APBB2: variants seen among roughly 807,000 people sequenced by gnomAD.
The protein encoded by APBB2 is Fe65-like 1.
APBB2 carries 38 observed loss-of-function variants against 82.5 expected under a neutral mutation model. The ratio of observed to expected loss-of-function variants is 0.46; its 90% CI spans 0.36 to 0.60. APBB2 has a LOEUF of 0.60. Among genes scored for constraint, APBB2 ranks in the 20% least tolerant of loss-of-function variants. APBB2 has a pLI of 0.00. For synonymous variants in APBB2, 341 were observed against 368.2 expected (o/e 0.93, Z 0.85); for missense variants, 772 against 972.3 (o/e 0.79, Z 2.74).
chr4:41,128,650 T>G (rs1755100815), intron 2 of APBB2, among the ~76,000 whole-genome samples: 2 of 152,186 alleles, frequency 1.3e-5, no homozygotes, highest in Admixed American at 6.5e-5. Flanking sequence ...ATACTCTGTA[T>G]CAGGCAGTGT....
intron 4 of APBB2, among the ~76,000 whole-genome samples, chr4:41,049,116 G>C (rs1283079374): frequency 2.7e-5 from 4 of 150,850 alleles, no homozygotes; most frequent in African/African-American, 9.8e-5. Flanking sequence ...GTCTCTGCCT[G>C]GCCGCCCATC....
At chr4:40,952,050 G>A (rs1452739000) in intron 6 of APBB2, among the ~76,000 whole-genome samples, 1 of 152,030 alleles carries the variant, frequency 6.6e-6, no homozygotes, top group Non-Finnish European at 1.5e-5. Context: ...GCCGGGTGTG[G>A]TGACAGGCAC....
chr4:41,085,099 A>G (rs1739144850), intron 3 of APBB2, among the ~76,000 whole-genome samples: 1 of 152,078 alleles, frequency 6.6e-6, no homozygotes, highest in Admixed American at 6.6e-5. Context: ...AAATACAAAA[A>G]AATTAGCTGG....
chr4:40,864,778 G>T (rs572162029), intron 12 of APBB2, among the ~76,000 whole-genome samples: 8 of 151,900 alleles, frequency 5.3e-5, no homozygotes, highest in South Asian at 4.2e-4. Flanking sequence ...ACTGCTGCAG[G>T]GTGTAGCGAG....
chr4:40,829,933 G>C (rs1282238300), intron 13 of APBB2, among the ~76,000 whole-genome samples: 3 of 152,204 alleles, frequency 2.0e-5, no homozygotes, highest in Non-Finnish European at 4.4e-5. Context: ...AGAAACCCTG[G>C]ATGGTTTCTT....
chr4:40,968,871 G>T (rs902710697), intron 6 of APBB2, among the ~76,000 whole-genome samples: 3 of 152,138 alleles, frequency 2.0e-5, no homozygotes, highest in African/African-American at 7.2e-5. Flanking sequence ...ATTCCCACAT[G>T]TTCTGGGAGG....
At chr4:40,909,586 T>C (rs10010651) in intron 10 of APBB2, among the ~76,000 whole-genome samples, 2,450 of 152,244 alleles carry the variant, frequency 0.016, 53 homozygotes, top group African/African-American at 0.05. Flanking sequence ...TTTTTATCAA[T>C]GGAAAATTTG....
At chr4:40,890,584 CAGA>C (rs1191736798) in intron 11 of APBB2, 93 bp from the exon 12 acceptor site, 37 of 1,522,948 alleles carry the variant, frequency 2.4e-5, no homozygotes, top group Non-Finnish European at 3.2e-5. Context: ...TGTCAACCAT[CAGA>C]AGAAGCCACC....
At chr4:41,205,964 G>A (rs906463934) in intron 1 of APBB2, among the ~76,000 whole-genome samples, 1 of 152,018 alleles carries the variant, frequency 6.6e-6, no homozygotes, top group Non-Finnish European at 1.5e-5. Flanking sequence ...CTCCTTCTAG[G>A]GCTATCCTTG....
chr4:40,988,383 C>T (rs562445987), intron 6 of APBB2, among the ~76,000 whole-genome samples: 4 of 151,808 alleles, frequency 2.6e-5, no homozygotes, highest in Admixed American at 6.6e-5. Flanking sequence ...GCCCTGTAAT[C>T]CCAGCACTTT....
chr4:41,052,793 A>G (rs1222033199), intron 4 of APBB2, among the ~76,000 whole-genome samples: 3 of 146,892 alleles, frequency 2.0e-5, no homozygotes, highest in Non-Finnish European at 4.5e-5. Flanking sequence ...TTTTTGAGAC[A>G]GTCTCACTCT....
intron 6 of APBB2, among the ~76,000 whole-genome samples, chr4:40,954,224 C>A (rs188688297): frequency 2.0e-5 from 3 of 152,212 alleles, no homozygotes; most frequent in Non-Finnish European, 2.9e-5. Flanking sequence ...TCTCCTGCTG[C>A]GGAGGGCACA....
Position 41,156,219 on chromosome 4 carries a change from A to G in APBB2, c.-416-13077T>C, listed in dbSNP as rs1023847734. Among the ~76,000 whole-genome samples the G allele has an allele frequency of 6.6e-5, 10 of 152,362 alleles. No individual in the cohort carries two copies. The East Asian group carries it at 1.7e-3, about 26-fold the overall frequency. ...GAAAAGGAGAAGAACAGGAGGAAGAAAAGGAGAACAGGACGTACAATTAAT... is the reference window on the plus strand; with the variant it reads ...GAAAAGGAGAAGAACAGGAGGAAGAGAAGGAGAACAGGACGTACAATTAAT... On this transcript the variant is annotated intron_variant, in intron 1 of 17. Transcript: ENST00000508593.
chr4:40,879,075 A>G (rs1036593957), intron 12 of APBB2, among the ~76,000 whole-genome samples: 6 of 152,046 alleles, frequency 3.9e-5, no homozygotes, highest in African/African-American at 1.4e-4. Context: ...TCCCAGTTGA[A>G]GTTATAACAA....
chr4:41,167,214 C>T (rs1368262574), intron 1 of APBB2, among the ~76,000 whole-genome samples: 1 of 152,210 alleles, frequency 6.6e-6, no homozygotes, highest in Admixed American at 6.5e-5. Flanking sequence ...TGCCACCCTC[C>T]CAGCACCTCC....
Position 40,878,369 on chromosome 4 carries a change from C to CA in APBB2, c.1529+11994dup, listed in dbSNP as rs773913318. 2.4e-3 allele frequency among the ~76,000 whole-genome samples: 369 copies of CA among 151,434 alleles called. 3 individuals carry two copies. Among genetic ancestry groups the CA allele is most frequent in the South Asian group, 7.3e-3 (35 of 4,780 alleles). On this transcript the variant is annotated intron_variant, in intron 12 of 17. Transcript: ENST00000508593. ...AATACCAAACCAAACCAAAACAAAA[C>CA]AAAAAAAACAAAATAAAAGAGAAGC... is the stretch of plus-strand genomic sequence containing the variant.
chr4:41,156,810 A>G (rs1322333025), intron 1 of APBB2, among the ~76,000 whole-genome samples: 1 of 152,150 alleles, frequency 6.6e-6, no homozygotes, highest in Non-Finnish European at 1.5e-5. Flanking sequence ...TCACGCCTGT[A>G]ATCTCAGCAC....
intron 17 of APBB2, among the ~76,000 whole-genome samples, chr4:40,818,325 A>C (rs1013674080): frequency 9.2e-5 from 14 of 152,158 alleles, no homozygotes; most frequent in African/African-American, 3.4e-4. Flanking sequence ...GCAGTGATAC[A>C]ATTAAAATAG....
At chr4:40,957,966 A>AG (rs1350455076) in intron 6 of APBB2, among the ~76,000 whole-genome samples, 1 of 152,206 alleles carries the variant, frequency 6.6e-6, no homozygotes, top group Non-Finnish European at 1.5e-5. Flanking sequence ...CTCCGTTCAT[A>AG]GACTATTAAC....
Sources: allele counts gnomAD v4.1 joint callset (sites outside exome capture counted in the v4.1 genomes callset), GRCh38; gene constraint gnomAD v4.1.1; transcripts MANE v1.5; gene names NCBI Gene and HGNC (gene_info 2026-07-23, HGNC 2026-07-21).